CHDH: variants seen among roughly 807,000 people sequenced by gnomAD.
The protein encoded by CHDH is choline dehydrogenase, mitochondrial.
Under a neutral mutation model 56.9 loss-of-function variants are expected in CHDH, and 43 were observed. That is an observed-to-expected ratio of 0.76 (90% CI 0.59 to 0.97). The LOEUF (loss-of-function observed/expected upper bound fraction) is 0.97. Among genes scored for constraint, CHDH ranks in the 50% least tolerant of loss-of-function variants. The pLI is 0.00. For missense variants in CHDH, 816 were observed against 821.1 expected, an observed-to-expected ratio of 0.99 and a Z score of 0.08; for synonymous variants, 364 against 348.5, an observed-to-expected ratio of 1.04 and a Z score of -0.50.
chr3:53,821,575 A>C (rs2095626543), intron 5 of CHDH, 72 bp downstream of exon 5: 12 of 1,350,992 alleles, frequency 8.9e-6, no homozygotes, highest in Non-Finnish European at 1.2e-5. Flanking sequence ...ACTTCATGCT[A>C]ATAAGATACA....
At position 53,817,305 on chromosome 3, in the gene CHDH, C is replaced by T; in HGVS notation, c.*472G>A. On this transcript the variant is annotated 3_prime_UTR_variant, in exon 9 of 9. Transcript: ENST00000315251. ...GACTTATGTGCCAGCCCAGGCTGAACTAACTACTGTGTGACTTACTGCCTC... is the reference window on the plus strand; with the variant it reads ...GACTTATGTGCCAGCCCAGGCTGAATTAACTACTGTGTGACTTACTGCCTC... The T allele has an allele frequency of 6.2e-6, 1 of 160,480 alleles. No individual in the cohort carries two copies. Among genetic ancestry groups the T allele is most frequent in the Non-Finnish European group, 1.4e-5 (1 of 72,964 alleles). The allele number at this position is 160,480 out of a possible 1,614,324, so 9.9% of individuals were successfully genotyped here. A position where few individuals can be genotyped will look rare whatever the true frequency, so the allele number is the denominator to read the frequency against.
intron 2 of CHDH, among the ~76,000 whole-genome samples, chr3:53,837,952 G>A (rs534556820): frequency 7.9e-5 from 12 of 151,004 alleles, no homozygotes; most frequent in East Asian, 2.0e-4. Flanking sequence ...CCAGCTACTC[G>A]AGGCTTAGGC....
chr3:53,821,004 G>C (rs1390456786), intron 5 of CHDH, among the ~76,000 whole-genome samples: 2 of 152,250 alleles, frequency 1.3e-5, no homozygotes, highest in Non-Finnish European at 2.9e-5. Context: ...TGGGGAAGGA[G>C]GAAGCAGCCC....
intron 2 of CHDH, among the ~76,000 whole-genome samples, chr3:53,835,516 C>G (rs1698468019): frequency 6.6e-6 from 1 of 152,218 alleles, no homozygotes; most frequent in Non-Finnish European, 1.5e-5. Flanking sequence ...CCACCTGTGC[C>G]CATCTGGGGG....
At chr3:53,830,408 A>ATATATATATATG (rs1290181769) in intron 2 of CHDH, among the ~76,000 whole-genome samples, 1 of 151,056 alleles carries the variant, frequency 6.6e-6, no homozygotes, top group African/African-American at 2.4e-5. Flanking sequence ...GAGATTATAT[A>ATATATATATATG]TATATATATA....
At chr3:53,823,000 T>A (rs984588803) in intron 3 of CHDH, among the ~76,000 whole-genome samples, 2 of 152,180 alleles carry the variant, frequency 1.3e-5, no homozygotes, top group South Asian at 4.2e-4. Context: ...GTGCCTCAGT[T>A]TCCCCATGTG....
At chr3:53,821,621 G>A in intron 5 of CHDH, 26 bp downstream of exon 5, 1 of 1,606,592 alleles carries the variant, frequency 6.2e-7, no homozygotes, top group Non-Finnish European at 8.5e-7. Context: ...GACAGCCTCT[G>A]GGGAGCAGTA....
At chr3:53,845,793 G>C (rs1178371359) in intron 1 of CHDH, among the ~76,000 whole-genome samples, 1 of 152,216 alleles carries the variant, frequency 6.6e-6, no homozygotes, top group East Asian at 1.9e-4. Context: ...GTTGCTGTCC[G>C]AACTCACTTG....
chr3:53,839,804 T>C lies in CHDH; in HGVS notation c.-60+1125A>G, dbSNP rs117373373. Among the ~76,000 whole-genome samples, 881 of 152,350 alleles carry C rather than the reference T, an allele frequency of 5.8e-3. 69 individuals carry two copies. In the East Asian group the frequency reaches 0.14, roughly 25 times the overall value. ...TATTCCCAATAGCCAAGACATGGAA[T>C]CAACCTAAGTACCCATTAATGGACA... On this transcript the variant is annotated intron_variant, in intron 2 of 8. Transcript: ENST00000315251.
At position 53,821,425 on chromosome 3, in the gene CHDH, G is replaced by A. The variant is rs556563257; in HGVS notation, c.985+222C>T. Among the ~76,000 whole-genome samples, 5 of 152,224 alleles carry A rather than the reference G, an allele frequency of 3.3e-5. No homozygotes were observed. The South Asian group carries it at 1.0e-3, about 32-fold the overall frequency. ...AGGGTGCCCTTCTCCAAATGAAATA[G>A]GGCAGCCGGAGGAGGGAGAAGGAAA... On this transcript the variant is annotated intron_variant, in intron 5 of 8. Transcript: ENST00000315251.
chr3:53,823,263 G>A (rs2106962385), intron 3 of CHDH, 43 bp downstream of exon 3: 2 of 1,441,062 alleles, frequency 1.4e-6, no homozygotes, highest in East Asian at 5.1e-5. Context: ...GGGGGCTGGG[G>A]TAGGGGGTAG....
At chr3:53,837,766 T>C (rs1050144793) in intron 2 of CHDH, among the ~76,000 whole-genome samples, 2 of 152,076 alleles carry the variant, frequency 1.3e-5, no homozygotes, top group African/African-American at 4.8e-5. Flanking sequence ...AGAGTGTATG[T>C]AAGGTGGGAG....
intron 1 of CHDH, among the ~76,000 whole-genome samples, chr3:53,841,727 GC>G (rs1295802532): frequency 6.6e-6 from 1 of 152,240 alleles, no homozygotes; most frequent in African/African-American, 2.4e-5. Context: ...TTAATCAGGA[GC>G]TGGGACTAGT....
rs560706924 is a variant in CHDH at position 53,833,469 on chromosome 3, G to C, written c.-60+7460C>G. Among the ~76,000 whole-genome samples, 188 of 152,340 alleles carry C rather than the reference G, an allele frequency of 1.2e-3. 1 individual carries two copies. The highest frequency in any genetic ancestry group is 4.2e-3 in the African/African-American group (175 of 41,582). ...GGTGGGTGGGCAGACTGACTGGTGT[G>C]AGGTAGGAGTTCCAGGGAAGCAGCC... is the stretch of plus-strand genomic sequence containing the variant. On this transcript the variant is annotated intron_variant, in intron 2 of 8. Coordinates refer to ENST00000315251, the MANE Select transcript of CHDH (RefSeq NM_018397.5).
chr3:53,840,454 G>A (rs1405773045), intron 2 of CHDH, among the ~76,000 whole-genome samples: 1 of 152,038 alleles, frequency 6.6e-6, no homozygotes, highest in Non-Finnish European at 1.5e-5. Flanking sequence ...CTTGAGCCCA[G>A]GAGTTCAAGG....
At chr3:53,822,122 A>G (rs1032343930) in intron 4 of CHDH, among the ~76,000 whole-genome samples, 6 of 152,252 alleles carry the variant, frequency 3.9e-5, no homozygotes, top group African/African-American at 1.4e-4. Flanking sequence ...ACCCCCTGCC[A>G]ACAACACAGA....
intron 1 of CHDH, among the ~76,000 whole-genome samples, chr3:53,843,758 GAGA>G (rs1698755977): frequency 6.6e-6 from 1 of 152,092 alleles, no homozygotes; most frequent in Non-Finnish European, 1.5e-5. Flanking sequence ...TGACTGAAGG[GAGA>G]AGGTCAGAAA....
At chr3:53,825,285 T>G (rs568182249) in intron 2 of CHDH, among the ~76,000 whole-genome samples, 3 of 152,170 alleles carry the variant, frequency 2.0e-5, no homozygotes, top group South Asian at 2.1e-4. Flanking sequence ...TATCAAGAGA[T>G]AAAGTAGTCA....
chr3:53,846,056 G>A (rs916940642), intron 1 of CHDH, 27 bp downstream of exon 1: 2 of 152,224 alleles, frequency 1.3e-5, no homozygotes, highest in African/African-American at 4.8e-5. Flanking sequence ...GCTGCGGGGT[G>A]GTCGGGGCGC....
Sources: allele counts gnomAD v4.1 joint callset (sites outside exome capture counted in the v4.1 genomes callset), GRCh38; gene constraint gnomAD v4.1.1; transcripts MANE v1.5; gene names NCBI Gene and HGNC (gene_info 2026-07-23, HGNC 2026-07-21).